The following AKAP1 variants were observed in gnomAD, a reference collection of about 807,000 sequenced individuals.
AKAP1 encodes the protein A-kinase anchoring protein 1, also known as A-kinase anchor protein 1, mitochondrial.
AKAP1 carries 32 observed loss-of-function variants against 79.8 expected under a neutral mutation model. The observed-to-expected ratio is 0.40, with a 90% CI of 0.30 to 0.54. AKAP1 has a LOEUF of 0.54. Among genes scored for constraint, AKAP1 ranks in the 20% least tolerant of loss-of-function variants. The pLI is 0.47. For missense variants in AKAP1, 961 were observed against 1,138.9 expected (o/e 0.84, Z 2.25); for synonymous variants, 416 against 466.7 (o/e 0.89, Z 1.40).
At chr17:57,114,776 G>T (rs1354569986) in intron 6 of AKAP1, 140 bp downstream of exon 6, 3 of 1,029,376 alleles carry the variant, frequency 2.9e-6, no homozygotes, top group Non-Finnish European at 4.2e-6. Flanking sequence ...ATGGAGCTGG[G>T]GTGGGTTTCC....
intron 1 of AKAP1, among the ~76,000 whole-genome samples, chr17:57,099,871 CA>C (rs939604573): frequency 5.3e-5 from 8 of 152,128 alleles, no homozygotes; most frequent in Non-Finnish European, 1.2e-4. Context: ...GGTACAGGAC[CA>C]AAGCCAGGGC....
chr17:57,114,582 A>T lies in AKAP1; in HGVS notation c.2227A>T (p.Met743Leu), dbSNP rs1430353264. Residue 743 changes from methionine to leucine, a missense_variant, in exon 6 of 11, where the codon ATG becomes TTG. By Grantham distance (15) the Met-to-Leu change is conservative. Around this residue, in one of 3 missense-constraint regions of AKAP1, gnomAD observed 629 missense variants for 781.1 expected, o/e 0.81. Coordinates refer to ENST00000337714, the MANE Select transcript of AKAP1 (RefSeq NM_003488.4). ...CGCGCTGCGCAGCCTCGACCAGCAGATGTACCTCTGTTACTCTCAGCCTGG... is the reference window on the plus strand; with the variant it reads ...CGCGCTGCGCAGCCTCGACCAGCAGTTGTACCTCTGTTACTCTCAGCCTGG... ...FHALRSLDQQ[M>L]YLCYSQPGIP... 1 of 1,614,170 alleles carries T rather than the reference A, an allele frequency of 6.2e-7. No individual in the cohort carries two copies. Among genetic ancestry groups the T allele is most frequent in the South Asian group, 1.1e-5 (1 of 91,082 alleles).
intron 4 of AKAP1, among the ~76,000 whole-genome samples, 177 bp downstream of exon 4, chr17:57,112,101 A>G (rs1181497604): frequency 6.6e-6 from 1 of 151,770 alleles, no homozygotes. Flanking sequence ...CCTGCGGGAG[A>G]CTCAGGTCCC....
chr17:57,120,246 C>T lies in AKAP1; in HGVS notation c.2638-4C>T, dbSNP rs780083358. The T allele has an allele frequency of 1.9e-6, 3 of 1,612,028 alleles. No homozygotes were observed. In the Admixed American group the frequency reaches 5.1e-5, roughly 27 times the overall value. On this transcript the variant is annotated splice_region_variant and splice_polypyrimidine_tract_variant and intron_variant, in intron 10 of 10. Coordinates refer to ENST00000337714, the MANE Select transcript of AKAP1 (RefSeq NM_003488.4). ...AAAAGCTTTAAGGGAACTTTCTTTT[C>T]TAGGTGGTGTTGATAAACCGGTCCC...
At chr17:57,111,321 A>G (rs543997810) in intron 3 of AKAP1, among the ~76,000 whole-genome samples, 1 of 152,174 alleles carries the variant, frequency 6.6e-6, no homozygotes, top group Non-Finnish European at 1.5e-5. Flanking sequence ...TTAGACCTTC[A>G]TTTTCAAATC....
rs1407262666 is a variant in AKAP1, at chr17:57,120,925, G to A, written c.*601G>A. On this transcript the variant is annotated 3_prime_UTR_variant, in exon 11 of 11. Transcript: ENST00000337714. ...CACATCTGACCTTGGTCAGTGGGGA[G>A]GGGAACTGGTATCCTGCCAAGCCTG... 1 of 152,706 alleles carries A rather than the reference G, an allele frequency of 6.5e-6. No individual in the cohort carries two copies. Among genetic ancestry groups the A allele is most frequent in the East Asian group, 1.9e-4 (1 of 5,206 alleles). The allele number at this position is 152,706 out of a possible 1,614,324, so 9.5% of individuals were successfully genotyped here. A position where few individuals can be genotyped will look rare whatever the true frequency, so the allele number is the denominator to read the frequency against.
rs748895818 is a variant in AKAP1 at position 57,116,266 on chromosome 17, G to A, written c.2432+5G>A. ...AGACGTGCTCCGGCAAATCAGGTGAGCGGAGATGCCTCAGGCAGGCCTACG... is the reference window on the plus strand; with the variant it reads ...AGACGTGCTCCGGCAAATCAGGTGAACGGAGATGCCTCAGGCAGGCCTACG... On this transcript the variant is annotated splice_donor_5th_base_variant and intron_variant, in intron 7 of 10. Transcript: ENST00000337714. 11 of 1,613,988 alleles carry A rather than the reference G, an allele frequency of 6.8e-6. No individual in the cohort carries two copies. Among genetic ancestry groups the A allele is most frequent in the Admixed American group, 1.7e-5 (1 of 60,004 alleles).
intron 8 of AKAP1, among the ~76,000 whole-genome samples, chr17:57,117,491 T>C (rs894775886): frequency 5.3e-5 from 8 of 152,080 alleles, no homozygotes; most frequent in African/African-American, 1.9e-4. Context: ...GGCAGCTGTT[T>C]ATGGCTAGGA....
intron 1 of AKAP1, among the ~76,000 whole-genome samples, chr17:57,089,343 A>G (rs998010688): frequency 6.6e-6 from 1 of 152,118 alleles, no homozygotes; most frequent in African/African-American, 2.4e-5. Flanking sequence ...ACTGTTCTAA[A>G]TATTTTTTAT....
chr17:57,086,519 C>G lies in AKAP1; in HGVS notation c.-25+1121C>G. The G allele has an allele frequency of 2.2e-6, 1 of 446,956 alleles. No individual in the cohort carries two copies. Among genetic ancestry groups the G allele is most frequent in the South Asian group, 1.6e-5 (1 of 63,370 alleles). 27.7% of individuals were successfully genotyped at this position (446,956 alleles called of 1,614,324 possible). On this transcript the variant is annotated intron_variant, in intron 1 of 10. Coordinates refer to ENST00000337714, the MANE Select transcript of AKAP1 (RefSeq NM_003488.4). This position sits in a 1 kb window ranked among gnomAD's most constrained non-coding sequence, Gnocchi z 5.1. ...CCTTCCTGCCGCCGTTAACACAAAC[C>G]CGGTGGACTTCGCTCCAGGTGCGAG...
rs1325215788 is a variant in AKAP1 at position 57,086,179 on chromosome 17, G to A, written c.-25+781G>A. 3.1e-6 allele frequency: 1 copy of A among 320,906 alleles called. No individual in the cohort carries two copies. Among genetic ancestry groups the A allele is most frequent in the African/African-American group, 2.3e-5 (1 of 43,988 alleles). 19.9% of individuals were successfully genotyped at this position (320,906 alleles called of 1,614,324 possible). A position where few individuals can be genotyped will look rare whatever the true frequency, so the allele number is the denominator to read the frequency against. Reference sequence around the variant, plus strand: ...AGCCTGGGGTGTCTGCCGACCTCACGCCCGGGGGCCCCGACGGTCACGTGT... The same window carrying A: ...AGCCTGGGGTGTCTGCCGACCTCACACCCGGGGGCCCCGACGGTCACGTGT... On this transcript the variant is annotated intron_variant, in intron 1 of 10. Coordinates refer to ENST00000337714, the MANE Select transcript of AKAP1 (RefSeq NM_003488.4). This position sits in a 1 kb window ranked among gnomAD's most constrained non-coding sequence, Gnocchi z 5.1.
In AKAP1 at chr17:57,093,436, A is replaced by G. The variant is rs922416642; in HGVS notation, c.-25+8038A>G. Reference sequence around the variant, plus strand: ...GCCATCTGATGCTGGCTAGCCCTCAATGCCTTGCTTCCAGAGGGATCTAAC... The same window carrying G: ...GCCATCTGATGCTGGCTAGCCCTCAGTGCCTTGCTTCCAGAGGGATCTAAC... On this transcript the variant is annotated intron_variant, in intron 1 of 10. Transcript: ENST00000337714. The G allele has an allele frequency of 1.1e-4, 17 of 152,154 alleles. 1 individual carries two copies. The highest frequency in any genetic ancestry group is 4.1e-4 in the African/African-American group (17 of 41,426). 9.4% of individuals were successfully genotyped at this position (152,154 alleles called of 1,614,324 possible).
At position 57,086,345 on chromosome 17, in the gene AKAP1, G is replaced by C; in HGVS notation, c.-25+947G>C. ...TGGCGTTCAACTCTTTTGTGCCCTA[G>C]CTGAAGGTCTTCCTGTTTCCCTTCC... On this transcript the variant is annotated intron_variant, in intron 1 of 10. Transcript: ENST00000337714. The surrounding 1 kb of genome is among the most constrained non-coding windows in gnomAD (Gnocchi z 5.1). The C allele has an allele frequency of 2.2e-6, 1 of 445,374 alleles. No homozygotes were observed. The highest frequency in any genetic ancestry group is 1.6e-5 in the South Asian group (1 of 63,412). 27.6% of individuals were successfully genotyped at this position (445,374 alleles called of 1,614,324 possible).
chr17:57,086,357 C>A lies in AKAP1; in HGVS notation c.-25+959C>A, dbSNP rs74723671. 513 of 448,706 alleles carry A rather than the reference C, an allele frequency of 1.1e-3. 2 individuals are homozygous for A. Among genetic ancestry groups the A allele is most frequent in the African/African-American group, 9.6e-3 (478 of 49,684 alleles). 27.8% of individuals were successfully genotyped at this position (448,706 alleles called of 1,614,324 possible). On this transcript the variant is annotated intron_variant, in intron 1 of 10. Transcript: ENST00000337714. The surrounding 1 kb of genome is among the most constrained non-coding windows in gnomAD (Gnocchi z 5.1). ...CTTTTGTGCCCTAGCTGAAGGTCTT[C>A]CTGTTTCCCTTCCAGGGAGGGATAG...
chr17:57,105,871 C>T lies in AKAP1; in HGVS notation c.407C>T (p.Thr136Ile), dbSNP rs1411325913. The T allele has an allele frequency of 1.2e-6, 2 of 1,614,258 alleles. No homozygotes were observed. Among genetic ancestry groups the T allele is most frequent in the Admixed American group, 3.3e-5 (2 of 60,034 alleles). The change falls in exon 2 of 11, where the codon ACA becomes ATA. Residue 136 changes from threonine (T) to isoleucine (I), a missense_variant. Transcript: ENST00000337714. Reference sequence around the variant, plus strand: ...AGTACAAAGCTGGAGCTAGCCCTGACAGGTGGTGAAGCCAAATCGATTCCT... The same window carrying T: ...AGTACAAAGCTGGAGCTAGCCCTGATAGGTGGTGAAGCCAAATCGATTCCT... ...DDSTKLELALTGGEAKSIPLE... is the reference protein window; with the variant it reads ...DDSTKLELALIGGEAKSIPLE...
At chr17:57,091,709 G>A (rs1913796659) in intron 1 of AKAP1, among the ~76,000 whole-genome samples, 1 of 139,132 alleles carries the variant, frequency 7.2e-6, no homozygotes, top group South Asian at 2.2e-4. Flanking sequence ...TTTATTTAGA[G>A]ATGAGGTCTT....
In AKAP1 at chr17:57,116,246, T is replaced by C. The variant is rs750748743; in HGVS notation, c.2417T>C (p.Val806Ala). The stretch of plus-strand genomic sequence containing the variant: ...GGATATAAGAGGGTGAAAGTAGACG[T>C]GCTCCGGCAAATCAGGTGAGCGGAG... ...YGGYKRVKVD[V>A]LRQIRSDFVT... Residue 806 changes from valine to alanine, a missense_variant, in exon 7 of 11, where the codon GTG becomes GCG. By Grantham distance (64) the Val-to-Ala change is moderately conservative (BLOSUM62 0). Coordinates refer to ENST00000337714, the MANE Select transcript of AKAP1 (RefSeq NM_003488.4). 9 of 1,614,138 alleles carry C rather than the reference T, an allele frequency of 5.6e-6. No homozygotes were observed. In the South Asian group the frequency reaches 9.9e-5, roughly 18 times the overall value.
chr17:57,091,565 C>T (rs1913785374), intron 1 of AKAP1, among the ~76,000 whole-genome samples: 2 of 152,082 alleles, frequency 1.3e-5, no homozygotes, highest in East Asian at 3.8e-4. Flanking sequence ...ACTGAGGCAG[C>T]CCGGGGAGCT....
intron 1 of AKAP1, among the ~76,000 whole-genome samples, chr17:57,091,200 C>A (rs1913761891): frequency 6.6e-6 from 1 of 152,228 alleles, no homozygotes; most frequent in Non-Finnish European, 1.5e-5. Context: ...CTCAGCTGTG[C>A]CTTTAGCTGT....
Sources: gnomAD v4.1 joint callset for allele counts (sites outside exome capture counted in the v4.1 genomes callset) on GRCh38, gnomAD v4.1.1 for gene constraint, gnomAD v4.1.1 regional missense constraint, Gnocchi (gnomAD v3.1) non-coding constraint, MANE v1.5 for transcripts, NCBI Gene and HGNC (gene_info 2026-07-23, HGNC 2026-07-21) for gene names.